Variants in CNIH3 observed in about 807,000 individuals in gnomAD.
The protein encoded by CNIH3 is cornichon family AMPA receptor auxiliary protein 3, also known as protein cornichon homolog 3.
Under a neutral mutation model 24.1 loss-of-function variants are expected in CNIH3, and 14 were observed. That is an observed-to-expected ratio of 0.58 (90% CI 0.38 to 0.91). The LOEUF (loss-of-function observed/expected upper bound fraction) is 0.91, where lower values mean the gene tolerates loss of function less well. Among genes scored for constraint, CNIH3 ranks in the 40% least tolerant of loss-of-function variants. The probability of loss-of-function intolerance (pLI) is 0.00; values close to 1 mark genes in which losing one functional copy is unlikely to be tolerated. For synonymous variants in CNIH3, 68 were observed against 73.8 expected (o/e 0.92, Z 0.40); for missense variants, 178 against 196.8 (o/e 0.90, Z 0.57).
chr1:224,646,666 A>G (rs1252239065), intron 1 of CNIH3, among the ~76,000 whole-genome samples: 2 of 152,140 alleles, frequency 1.3e-5, no homozygotes, highest in Non-Finnish European at 2.9e-5. Context: ...TCGGCATCCT[A>G]AATTACTGGG....
rs181134676 is a variant in CNIH3, at chr1:224,638,881, C to A, written c.81+21626C>A. Among the ~76,000 whole-genome samples, 54 of 152,264 alleles carry A rather than the reference C, an allele frequency of 3.5e-4. 2 individuals carry two copies. In the South Asian group the frequency reaches 8.9e-3, roughly 25 times the overall value. On this transcript the variant is annotated intron_variant, in intron 1 of 5. Transcript: ENST00000272133. Reference sequence around the variant, plus strand: ...AACATGCCATTATTTATTTTATTTGCAGTTCTACTTTTTACCAGTCCATAT... The same window carrying A: ...AACATGCCATTATTTATTTTATTTGAAGTTCTACTTTTTACCAGTCCATAT...
At chr1:224,621,677 C>T (rs1420797728) in intron 1 of CNIH3, among the ~76,000 whole-genome samples, 1 of 152,354 alleles carries the variant, frequency 6.6e-6, no homozygotes, top group African/African-American at 2.4e-5. Flanking sequence ...ACGTTTTCTA[C>T]TTTACCATTG....
chr1:224,621,444 T>C (rs1683274693), intron 1 of CNIH3, among the ~76,000 whole-genome samples: 1 of 152,220 alleles, frequency 6.6e-6, no homozygotes, highest in East Asian at 1.9e-4. Context: ...TGTTTTTTTA[T>C]GACCCTGCCT....
intron 1 of CNIH3, among the ~76,000 whole-genome samples, chr1:224,647,326 G>A (rs1192738152): frequency 6.6e-6 from 1 of 152,160 alleles, no homozygotes; most frequent in African/African-American, 2.4e-5. Flanking sequence ...TAATTAAAGG[G>A]GGCTTGAATT....
chr1:224,722,463 A>T (rs1688771910), intron 3 of CNIH3, among the ~76,000 whole-genome samples: 1 of 152,176 alleles, frequency 6.6e-6, no homozygotes, highest in African/African-American at 2.4e-5. Flanking sequence ...CATGTAAGTC[A>T]CTGGGGATTT....
At chr1:224,732,013 C>A (rs1009783011) in intron 4 of CNIH3, among the ~76,000 whole-genome samples, 4 of 152,190 alleles carry the variant, frequency 2.6e-5, no homozygotes, top group African/African-American at 9.7e-5. Context: ...GAAAAATGAT[C>A]AGAAGCTTTA....
At position 224,536,284 on chromosome 1, in the gene CNIH3, CT is replaced by C. The variant is rs373201561; in HGVS notation, n.344-628del. ...GGGAAATAGCTGCCATAATTGTTGT[CT>C]TTTTTTTTTTTTTTTTTTTTTTTGA... On this transcript the variant is annotated intron_variant and non_coding_transcript_variant, in intron 2 of 2. Transcript: ENST00000470602. Among the ~76,000 whole-genome samples, 828 of 86,050 alleles carry C rather than the reference CT, an allele frequency of 9.6e-3. 3 individuals are homozygous for C. The highest frequency in any genetic ancestry group is 0.028 in the African/African-American group (570 of 20,138). The allele number at this position is 86,050 out of a possible 152,430, so 56.5% of individuals were successfully genotyped here. A position where few individuals can be genotyped will look rare whatever the true frequency, so the allele number is the denominator to read the frequency against.
At chr1:224,702,874 G>A (rs1219875834) in intron 3 of CNIH3, among the ~76,000 whole-genome samples, 1 of 152,042 alleles carries the variant, frequency 6.6e-6, no homozygotes, top group African/African-American at 2.4e-5. Flanking sequence ...CACTCCTCGG[G>A]CCCTGTCCTT....
At chr1:224,460,860 C>G (rs932837587) in intron 1 of CNIH3, among the ~76,000 whole-genome samples, 5 of 151,628 alleles carry the variant, frequency 3.3e-5, no homozygotes, top group Non-Finnish European at 5.9e-5. Context: ...GCCTTAAACT[C>G]CTGGGCACAA....
chr1:224,697,098 A>G (rs368586923), intron 3 of CNIH3, among the ~76,000 whole-genome samples: 2 of 152,254 alleles, frequency 1.3e-5, no homozygotes, highest in Non-Finnish European at 2.9e-5. Flanking sequence ...ATGCGTGAGC[A>G]GGAATTCCCA....
At chr1:224,644,663 T>G (rs1357584635) in intron 1 of CNIH3, among the ~76,000 whole-genome samples, 1 of 152,252 alleles carries the variant, frequency 6.6e-6, no homozygotes, top group Non-Finnish European at 1.5e-5. Flanking sequence ...GACTGTCCTT[T>G]ATCCCACAGA....
intron 1 of CNIH3, among the ~76,000 whole-genome samples, chr1:224,646,925 A>G (rs891046111): frequency 1.3e-5 from 2 of 152,178 alleles, no homozygotes; most frequent in Admixed American, 6.5e-5. Context: ...CTCAAGAGGA[A>G]ATGATTTAGC....
intron 3 of CNIH3, among the ~76,000 whole-genome samples, chr1:224,565,099 C>G (rs912399360): frequency 6.6e-6 from 1 of 152,228 alleles, no homozygotes; most frequent in Non-Finnish European, 1.5e-5. Flanking sequence ...GGCAATAAAA[C>G]TGGTCCCCAT....
chr1:224,668,666 G>GAA (rs1297573961), intron 1 of CNIH3, among the ~76,000 whole-genome samples: 1 of 152,310 alleles, frequency 6.6e-6, no homozygotes, highest in East Asian at 1.9e-4. Context: ...CACTGGACCA[G>GAA]AAGAAGGAGG....
intron 1 of CNIH3, among the ~76,000 whole-genome samples, chr1:224,472,490 C>A (rs1168557669): frequency 6.6e-6 from 1 of 152,040 alleles, no homozygotes; most frequent in African/African-American, 2.4e-5. Flanking sequence ...TTCGCAGCAA[C>A]CTGGATGGAA....
chr1:224,636,245 GTTTTC>G (rs111634122), intron 1 of CNIH3, among the ~76,000 whole-genome samples: 2,727 of 152,190 alleles, frequency 0.018, 88 homozygotes, highest in African/African-American at 0.061. Context: ...TTGCATATTT[GTTTTC>G]TTTTAATTTG....
At chr1:224,481,305 A>G (rs1240222161) in intron 1 of CNIH3, among the ~76,000 whole-genome samples, 1 of 152,220 alleles carries the variant, frequency 6.6e-6, no homozygotes, top group Non-Finnish European at 1.5e-5. Flanking sequence ...CAGCCAAACC[A>G]TATCAATCAG....
chr1:224,605,136 G>T (rs1364961539), intron 3 of CNIH3, among the ~76,000 whole-genome samples: 1 of 152,118 alleles, frequency 6.6e-6, no homozygotes, highest in Non-Finnish European at 1.5e-5. Context: ...TGAAGGGTGG[G>T]GATCAATCAG....
intron 1 of CNIH3, among the ~76,000 whole-genome samples, chr1:224,654,255 C>T (rs1428934647): frequency 1.3e-5 from 2 of 152,040 alleles, no homozygotes; most frequent in Non-Finnish European, 2.9e-5. Context: ...TGGTGGCGCA[C>T]ACCTGTAATC....
Sources: allele counts gnomAD v4.1 joint callset (sites outside exome capture counted in the v4.1 genomes callset), GRCh38; gene constraint gnomAD v4.1.1; transcripts MANE v1.5; gene names NCBI Gene and HGNC (gene_info 2026-07-23, HGNC 2026-07-21).